The following CRISP2 variants were observed in gnomAD, a reference collection of about 807,000 sequenced individuals.
CRISP2 encodes cysteine-rich secretory protein 2.
In CRISP2, 29 loss-of-function variants were observed where a neutral mutation model predicts 31.7. The ratio of observed to expected loss-of-function variants is 0.92; its 90% CI spans 0.68 to 1.25. The LOEUF (loss-of-function observed/expected upper bound fraction) is 1.25, where lower values mean the gene tolerates loss of function less well. CRISP2 is among the 50% of genes most tolerant of loss of function. The probability of loss-of-function intolerance (pLI) is 0.00; values close to 1 mark genes in which losing one functional copy is unlikely to be tolerated. For synonymous variants in CRISP2, 111 were observed against 101.4 expected, an observed-to-expected ratio of 1.09 and a Z score of -0.57; for missense variants, 318 against 286.5, an observed-to-expected ratio of 1.11 and a Z score of -0.79.
At chr6:49,707,854 C>T (rs570395) in intron 4 of CRISP2, among the ~76,000 whole-genome samples, 128,776 of 152,106 alleles carry the variant, frequency 0.85, 54,595 homozygotes, top group East Asian at 0.95. Context: ...CATTTTATCA[C>T]TGAAGATTGC....
chr6:49,711,962 T>C (rs1884954), intron 2 of CRISP2, among the ~76,000 whole-genome samples: 29,182 of 152,230 alleles, frequency 0.19, 3,079 homozygotes, highest in Admixed American at 0.33. Context: ...CAATGTCTGC[T>C]AGTTTGTTGA....
rs1561876652 is a variant in CRISP2 at position 49,701,704 on chromosome 6, G to GTATACATTATATATGTATACATTATA, written c.67-921_67-920insTATAATGTATACATATATAATGTATA. On this transcript the variant is annotated intron_variant, in intron 4 of 9. Transcript: ENST00000339139. ...TATACATTATATATGTATACATTATGTATACATATATAATGTATATATAAT... is the reference window on the plus strand; with the variant it reads ...TATACATTATATATGTATACATTATGTATACATTATATATGTATACATTATATATACATATATAATGTATATATAAT... Among the ~76,000 whole-genome samples, 57 of 62,144 alleles carry GTATACATTATATATGTATACATTATA rather than the reference G, an allele frequency of 9.2e-4. 12 individuals carry two copies. The highest frequency in any genetic ancestry group is 2.0e-3 in the African/African-American group (31 of 15,270). 40.8% of individuals were successfully genotyped at this position (62,144 alleles called of 152,430 possible). A position where few individuals can be genotyped will look rare whatever the true frequency, so the allele number is the denominator to read the frequency against.
Position 49,698,451 on chromosome 6 carries a change from C to A in CRISP2, c.328G>T (p.Ala110Ser). 2 of 1,613,334 alleles carry A rather than the reference C, an allele frequency of 1.2e-6. No individual in the cohort carries two copies. The highest frequency in any genetic ancestry group is 8.5e-7 in the Non-Finnish European group (1 of 1,179,586). Reference sequence around the variant, plus strand: ...ATCTCGTCATACCAGCTTTGGATTGCAGAAGACCAGGAAGTAGGGTCACTT... The same window carrying A: ...ATCTCGTCATACCAGCTTTGGATTGAAGAAGACCAGGAAGTAGGGTCACTT... ...MSSDPTSWSS[A>S]IQSWYDEILD... is the part of the protein sequence containing the mutation. Residue 110 changes from alanine to serine, a missense_variant, in exon 7 of 10, where the codon GCA becomes TCA. Transcript: ENST00000339139.
chr6:49,686,019 G>T, the CRISP2 span, among the ~76,000 whole-genome samples: 1 of 152,014 alleles, frequency 6.6e-6, no homozygotes, highest in South Asian at 2.1e-4. Flanking sequence ...GTATACTAGT[G>T]TCAATACTTT....
chr6:49,694,189 A>G (rs1038801041), intron 9 of CRISP2, among the ~76,000 whole-genome samples: 14 of 152,180 alleles, frequency 9.2e-5, no homozygotes, highest in African/African-American at 3.1e-4. Context: ...GGTTACGAGA[A>G]GGGTGACATG....
At chr6:49,702,594 T>A (rs886311096) in intron 4 of CRISP2, among the ~76,000 whole-genome samples, 1 of 152,064 alleles carries the variant, frequency 6.6e-6, no homozygotes. Context: ...TGGTCAGCCA[T>A]TTTTCTATTT....
chr6:49,699,271 G>T (rs1437081933), intron 6 of CRISP2, among the ~76,000 whole-genome samples: 1 of 151,704 alleles, frequency 6.6e-6, no homozygotes, highest in African/African-American at 2.4e-5. Flanking sequence ...CATTTTTATA[G>T]AAATTTTGAA....
At chr6:49,697,656 G>A in intron 8 of CRISP2, 1 of 1,398,682 alleles carries the variant, frequency 7.1e-7, no homozygotes, top group Non-Finnish European at 9.7e-7. Flanking sequence ...AATGAGGAAT[G>A]AGAGCTTCAG....
intron 9 of CRISP2, 132 bp downstream of exon 9, chr6:49,695,704 T>C: frequency 4.6e-6 from 3 of 649,834 alleles, no homozygotes; most frequent in Non-Finnish European, 8.0e-6. Context: ...GCATACTTTG[T>C]TGAATAATTT....
At chr6:49,678,141 A>G in the CRISP2 span, among the ~76,000 whole-genome samples, 1 of 152,186 alleles carries the variant, frequency 6.6e-6, no homozygotes, top group African/African-American at 2.4e-5. Context: ...AATAATATCT[A>G]AAATAGAATA....
the CRISP2 span, among the ~76,000 whole-genome samples, chr6:49,681,517 T>C: frequency 6.6e-6 from 1 of 152,192 alleles, no homozygotes; most frequent in Non-Finnish European, 1.5e-5. Context: ...CTGCTGAAAC[T>C]TTAGATTAAA....
At chr6:49,708,932 T>C (rs1219945534) in intron 4 of CRISP2, among the ~76,000 whole-genome samples, 199 bp downstream of exon 4, 1 of 152,192 alleles carries the variant, frequency 6.6e-6, no homozygotes, top group East Asian at 1.9e-4. Flanking sequence ...ATGTGACCGG[T>C]GGCTAGCATA....
chr6:49,688,104 T>C (rs1763942393), downstream of CRISP2, among the ~76,000 whole-genome samples: 1 of 152,208 alleles, frequency 6.6e-6, no homozygotes, highest in African/African-American at 2.4e-5. Flanking sequence ...GTCAGTCCCA[T>C]CTCTGGGAGG....
chr6:49,678,457 A>G, the CRISP2 span, among the ~76,000 whole-genome samples: 1 of 152,054 alleles, frequency 6.6e-6, no homozygotes, highest in Non-Finnish European at 1.5e-5. Context: ...TTTCCATCTT[A>G]TTACACTTTC....
intron 8 of CRISP2, among the ~76,000 whole-genome samples, chr6:49,697,039 G>T (rs935850703): frequency 6.6e-6 from 1 of 152,038 alleles, no homozygotes; most frequent in Non-Finnish European, 1.5e-5. Flanking sequence ...GACTTTGGAG[G>T]TTATACTTCT....
chr6:49,692,613 T>C lies in CRISP2; in HGVS notation c.*160A>G, dbSNP rs936322053. On this transcript the variant is annotated 3_prime_UTR_variant, in exon 10 of 10. Transcript: ENST00000339139. The stretch of plus-strand genomic sequence containing the variant: ...TCATCTACTATGCTACTTTTGTAAA[T>C]CATTGCCTGAAAGTGATTTCTGTGA... The C allele has an allele frequency of 9.4e-6, 6 of 638,484 alleles. No homozygotes were observed. Among genetic ancestry groups the C allele is most frequent in the East Asian group, 2.8e-5 (1 of 36,026 alleles). The allele number at this position is 638,484 out of a possible 1,614,324, so 39.6% of individuals were successfully genotyped here.
intron 9 of CRISP2, among the ~76,000 whole-genome samples, chr6:49,694,735 T>C (rs1447333405): frequency 1.1e-5 from 1 of 91,436 alleles, no homozygotes. Flanking sequence ...TTCAACTATT[T>C]TTTTCTTTTT....
chr6:49,705,007 T>G (rs139792889), intron 4 of CRISP2, among the ~76,000 whole-genome samples: 1 of 152,212 alleles, frequency 6.6e-6, no homozygotes, highest in Non-Finnish European at 1.5e-5. Flanking sequence ...GGATACAAGT[T>G]TGCCCTAAGG....
At chr6:49,686,630 T>C in the CRISP2 span, among the ~76,000 whole-genome samples, 3 of 152,210 alleles carry the variant, frequency 2.0e-5, no homozygotes, top group Admixed American at 2.0e-4. Context: ...TCGACCATTG[T>C]AGAAGTTGGT....
Sources: gnomAD v4.1 joint callset for allele counts (sites outside exome capture counted in the v4.1 genomes callset) on GRCh38, gnomAD v4.1.1 for gene constraint, MANE v1.5 for transcripts, NCBI Gene and HGNC (gene_info 2026-07-23, HGNC 2026-07-21) for gene names.